The following GRAMD2B variants were observed in gnomAD, a reference collection of about 807,000 sequenced individuals.
GRAMD2B encodes the protein GRAM domain-containing protein 2B.
Under a neutral mutation model 59.2 loss-of-function variants are expected in GRAMD2B, and 41 were observed. That is an observed-to-expected ratio of 0.69 (90% confidence interval 0.54 to 0.90). The LOEUF (loss-of-function observed/expected upper bound fraction) is 0.90. Among genes scored for constraint, GRAMD2B ranks in the 40% least tolerant of loss-of-function variants. The pLI, the probability that GRAMD2B is intolerant of heterozygous loss-of-function variation, is 0.00. For synonymous variants in GRAMD2B, 161 were observed against 182.7 expected (o/e 0.88, Z 0.96); for missense variants, 424 against 500.5 (o/e 0.85, Z 1.46).
rs145052235 is a variant in GRAMD2B at position 126,476,758 on chromosome 5, T to A, written c.487-934T>A. Reference sequence around the variant, plus strand: ...GCTTCTATAGTTACTGTTGTTGTTATTCTTTGTTGAACCAGAAAAGTATTT... The same window carrying A: ...GCTTCTATAGTTACTGTTGTTGTTAATCTTTGTTGAACCAGAAAAGTATTT... On this transcript the variant is annotated intron_variant, in intron 5 of 13. Transcript: ENST00000285689. Among the ~76,000 whole-genome samples, 1,495 of 152,348 alleles carry A rather than the reference T, an allele frequency of 9.8e-3. 10 individuals are homozygous for A. Among genetic ancestry groups the A allele is most frequent in the Non-Finnish European group, 0.016 (1,121 of 68,020 alleles).
chr5:126,371,470 G>T, exon 1 of GRAMD2B: 1 of 1,289,224 alleles, frequency 7.8e-7, no homozygotes, highest in Non-Finnish European at 1.0e-6. Flanking sequence ...GCCTTCTAGT[G>T]ACACGGTGTT....
upstream of GRAMD2B, among the ~76,000 whole-genome samples, chr5:126,369,578 T>C (rs2149689223): frequency 6.6e-6 from 1 of 152,340 alleles, no homozygotes; most frequent in Non-Finnish European, 1.5e-5. Context: ...AGCTTCATTG[T>C]TGAAGCAAGG....
rs1282689331 is a variant in GRAMD2B, at chr5:126,493,869, A to G, written c.*913A>G. On this transcript the variant is annotated 3_prime_UTR_variant, in exon 14 of 14. Transcript: ENST00000285689. ...TTCAGCATGAAATTTGTATGTTTTT[A>G]TCCTTTGCTGACTAAAATAAAATAA... is the stretch of plus-strand genomic sequence containing the variant. 1.3e-5 allele frequency: 2 copies of G among 152,646 alleles called. No individual in the cohort carries two copies. Among genetic ancestry groups the G allele is most frequent in the African/African-American group, 2.4e-5 (1 of 41,448 alleles). The allele number at this position is 152,646 out of a possible 1,614,324, so 9.5% of individuals were successfully genotyped here. A position where few individuals can be genotyped will look rare whatever the true frequency, so the allele number is the denominator to read the frequency against.
intron 1 of GRAMD2B, among the ~76,000 whole-genome samples, chr5:126,458,412 C>A (rs1202514840): frequency 1.3e-5 from 2 of 151,620 alleles, no homozygotes; most frequent in African/African-American, 4.8e-5. Flanking sequence ...TGCACTCCAG[C>A]CTGAGCGACA....
At chr5:126,424,077 A>C (rs1011030533) in intron 1 of GRAMD2B, among the ~76,000 whole-genome samples, 2 of 152,236 alleles carry the variant, frequency 1.3e-5, no homozygotes, top group African/African-American at 4.8e-5. Flanking sequence ...TTCAATAACG[A>C]TGGGCAATAC....
chr5:126,424,275 C>T (rs1760196471), intron 1 of GRAMD2B, among the ~76,000 whole-genome samples: 1 of 152,116 alleles, frequency 6.6e-6, no homozygotes, highest in Non-Finnish European at 1.5e-5. Flanking sequence ...AAATATTTAT[C>T]TATTTTGCAG....
intron 1 of GRAMD2B, among the ~76,000 whole-genome samples, chr5:126,384,154 A>C (rs1485245891): frequency 6.6e-6 from 1 of 152,174 alleles, no homozygotes; most frequent in Non-Finnish European, 1.5e-5. Context: ...ATAGATCTTA[A>C]ATCTATTCTT....
chr5:126,483,406 G>C (rs1472143472), intron 8 of GRAMD2B, 57 bp from the exon 9 acceptor site: 23 of 1,048,100 alleles, frequency 2.2e-5, no homozygotes, highest in Non-Finnish European at 3.1e-5. Context: ...AGTTACAAAG[G>C]CCTGCCTGTT....
At chr5:126,450,629 T>G (rs558425037) in intron 1 of GRAMD2B, among the ~76,000 whole-genome samples, 1 of 126,838 alleles carries the variant, frequency 7.9e-6, no homozygotes, top group African/African-American at 3.0e-5. Flanking sequence ...CTAAAACCAG[T>G]GACAGTCCAT....
chr5:126,477,576 C>T, intron 5 of GRAMD2B, 116 bp from the exon 6 acceptor site: 1 of 729,702 alleles, frequency 1.4e-6, no homozygotes. Flanking sequence ...GGCTGGAGAG[C>T]TTGCTGCTGG....
chr5:126,424,192 CCATTGCCACATT>C, intron 1 of GRAMD2B, among the ~76,000 whole-genome samples: 1 of 152,152 alleles, frequency 6.6e-6, no homozygotes, highest in Non-Finnish European at 1.5e-5. Flanking sequence ...ACTTTGGTGA[CCATTGCCACATT>C]AAACACACAG....
intron 1 of GRAMD2B, among the ~76,000 whole-genome samples, chr5:126,425,521 C>G (rs928662866): frequency 7.2e-5 from 11 of 152,194 alleles, no homozygotes; most frequent in African/African-American, 2.7e-4. Context: ...AATCCCAACA[C>G]TTTGGGAGGC....
intron 1 of GRAMD2B, among the ~76,000 whole-genome samples, chr5:126,443,912 C>T (rs1164277885): frequency 6.6e-6 from 1 of 151,880 alleles, no homozygotes. Flanking sequence ...ATTAGCTGGA[C>T]GTGGTGGTGG....
chr5:126,465,469 A>T lies in GRAMD2B; in HGVS notation c.127A>T (p.Arg43Trp). 6.2e-7 allele frequency: 1 copy of T among 1,614,176 alleles called. No individual in the cohort carries two copies. The highest frequency in any genetic ancestry group is 8.5e-7 in the Non-Finnish European group (1 of 1,180,012). Residue 43 changes from arginine (R) to tryptophan (W), a missense_variant, in exon 2 of 14, where the codon AGG becomes TGG. Physicochemically the swap from Arg to Trp is moderately radical, Grantham distance 101. Coordinates refer to ENST00000285689, the MANE Select transcript of GRAMD2B (RefSeq NM_023927.4). ...NGVEEKKKAC[R>W]SPTAQSPTPS... ...TGTGGAGGAGAAAAAGAAAGCCTGC[A>T]GGTCGCCAACAGCCCAATCCCCTAC...
rs898350239 is a variant in GRAMD2B at position 126,391,310 on chromosome 5, A to G, written c.125+19743A>G. On this transcript the variant is annotated intron_variant, in intron 1 of 8. Transcript: ENST00000506445. Reference sequence around the variant, plus strand: ...ACTCCAGCCTGGGCAAGAGAGGGAGACTCCATCTCAAAAAAAAAAAAAAAA... The same window carrying G: ...ACTCCAGCCTGGGCAAGAGAGGGAGGCTCCATCTCAAAAAAAAAAAAAAAA... Among the ~76,000 whole-genome samples, 13 of 125,758 alleles carry G rather than the reference A, an allele frequency of 1.0e-4. No homozygotes were observed. The Admixed American group carries it at 1.0e-3, about 10-fold the overall frequency. The allele number at this position is 125,758 out of a possible 152,430, so 82.5% of individuals were successfully genotyped here.
chr5:126,366,531 C>T (rs949097096), upstream of GRAMD2B, among the ~76,000 whole-genome samples: 1 of 152,200 alleles, frequency 6.6e-6, no homozygotes, highest in Admixed American at 6.5e-5. Flanking sequence ...AGGCTTCATA[C>T]TTGAAGTTTA....
intron 1 of GRAMD2B, among the ~76,000 whole-genome samples, chr5:126,430,057 A>G (rs774070227): frequency 1.1e-4 from 17 of 152,316 alleles, no homozygotes; most frequent in Non-Finnish European, 2.4e-4. Context: ...AATTTTTTAA[A>G]TGTTCAGCTT....
intron 1 of GRAMD2B, chr5:126,459,047 C>G (rs1766863528): frequency 6.6e-6 from 1 of 152,138 alleles, no homozygotes; most frequent in Non-Finnish European, 1.5e-5. Context: ...ATTATCACTT[C>G]TTTTGTACAT....
chr5:126,422,504 A>G (rs140135861), upstream of GRAMD2B, among the ~76,000 whole-genome samples: 652 of 152,266 alleles, frequency 4.3e-3, 4 homozygotes, highest in Middle Eastern at 0.037. Context: ...TGGCCCCTGC[A>G]CAGACCTTTT....
Sources: allele counts gnomAD v4.1 joint callset (sites outside exome capture counted in the v4.1 genomes callset), GRCh38; gene constraint gnomAD v4.1.1; transcripts MANE v1.5; gene names NCBI Gene and HGNC (gene_info 2026-07-23, HGNC 2026-07-21).